AQP2: variants seen among roughly 807,000 people sequenced by gnomAD.
The protein encoded by AQP2 is aquaporin-2.
AQP2 carries 20 observed loss-of-function variants against 21.6 expected under a neutral mutation model. The ratio of observed to expected loss-of-function variants is 0.92; its 90% CI spans 0.65 to 1.34. The LOEUF (loss-of-function observed/expected upper bound fraction) is 1.34. Among genes scored for constraint, AQP2 ranks in the 40% most tolerant of loss-of-function variants. The probability of loss-of-function intolerance (pLI) is 0.00; values close to 1 mark genes in which losing one functional copy is unlikely to be tolerated. For missense variants in AQP2, 325 were observed against 363.4 expected (o/e 0.89, Z 0.86); for synonymous variants, 168 against 166.9 (o/e 1.01, Z -0.05).
Position 49,950,796 on chromosome 12 carries a change from G to A in AQP2, c.-35G>A, listed in dbSNP as rs1212100793. ...CGAGTGCCCGGAGCATCCTGGCCCT[G>A]AGACAGCTGGGCCAGCCCCGCAGGG... On this transcript the variant is annotated 5_prime_UTR_variant, in exon 1 of 4. Transcript: ENST00000199280. 2.5e-6 allele frequency: 4 copies of A among 1,595,784 alleles called. No homozygotes were observed. The African/African-American group carries it at 5.4e-5, about 21-fold the overall frequency.
intron 1 of AQP2, among the ~76,000 whole-genome samples, chr12:49,953,101 GT>G (rs1230661720): frequency 1.1e-4 from 16 of 152,200 alleles, no homozygotes; most frequent in Non-Finnish European, 1.9e-4. Context: ...GCCAAATTAA[GT>G]AGTCCCATGG....
At chr12:49,951,473 T>C (rs987137940) in intron 1 of AQP2, 3 of 511,596 alleles carry the variant, frequency 5.9e-6, no homozygotes, top group African/African-American at 1.9e-5. Flanking sequence ...AACGCCTACA[T>C]TACAGTGAAG....
rs886049554 is a variant in AQP2 at position 49,958,546 on chromosome 12, C to T, written c.*2938C>T. 1 of 152,368 alleles carries T rather than the reference C, an allele frequency of 6.6e-6. No homozygotes were observed. Among genetic ancestry groups the T allele is most frequent in the African/African-American group, 2.4e-5 (1 of 41,438 alleles). 9.4% of individuals were successfully genotyped at this position (152,368 alleles called of 1,614,324 possible). ...TGCCCTTTAAGAGCACCCGGTCAGT[C>T]AGAGAACAGAGATCACACACACCAA... On this transcript the variant is annotated 3_prime_UTR_variant, in exon 4 of 4. Transcript: ENST00000199280.
At position 49,955,953 on chromosome 12, in the gene AQP2, G is replaced by A; in HGVS notation, c.*345G>A. 3.9e-6 allele frequency: 2 copies of A among 508,376 alleles called. No homozygotes were observed. The highest frequency in any genetic ancestry group is 4.1e-5 in the South Asian group (2 of 48,662). The allele number at this position is 508,376 out of a possible 1,614,324, so 31.5% of individuals were successfully genotyped here. The stretch of plus-strand genomic sequence containing the variant: ...AGCCTGCACCCAGGTACTGAGTGGG[G>A]AGTGTACAGACCCCTGCCTTGGGGG... On this transcript the variant is annotated 3_prime_UTR_variant, in exon 4 of 4. Transcript: ENST00000199280.
chr12:49,952,406 C>A (rs1161158584), intron 1 of AQP2, among the ~76,000 whole-genome samples: 1 of 152,192 alleles, frequency 6.6e-6, no homozygotes, highest in Non-Finnish European at 1.5e-5. Flanking sequence ...CCACACCCAG[C>A]CTCTGTTCTT....
intron 3 of AQP2, 69 bp from the exon 4 acceptor site, chr12:49,955,330 C>A (rs1947358748): frequency 6.7e-7 from 1 of 1,503,512 alleles, no homozygotes; most frequent in African/African-American, 1.4e-5. Flanking sequence ...GAGTGTGCCG[C>A]CGGGGCCTGC....
chr12:49,952,942 G>A (rs1214763728), intron 1 of AQP2, among the ~76,000 whole-genome samples: 1 of 152,174 alleles, frequency 6.6e-6, no homozygotes, highest in Non-Finnish European at 1.5e-5. Flanking sequence ...ACGCTATAAG[G>A]GAAATTCTGT....
Position 49,954,664 on chromosome 12 carries a change from G to T in AQP2, c.560G>T (p.Arg187Leu). 1 of 1,614,082 alleles carries T rather than the reference G, an allele frequency of 6.2e-7. No individual in the cohort carries two copies. Among genetic ancestry groups the T allele is most frequent in the Non-Finnish European group, 8.5e-7 (1 of 1,179,996 alleles). Residue 187 changes from arginine to leucine, a missense_variant, in exon 3 of 4, where the codon CGC becomes CTC. Transcript: ENST00000199280. The stretch of plus-strand genomic sequence containing the variant: ...ACCGGCTGCTCTATGAATCCTGCCC[G>T]CTCCCTGGCTCCAGCTGTCGTCACT... ...HYTGCSMNPARSLAPAVVTGK... is the reference protein window; with the variant it reads ...HYTGCSMNPALSLAPAVVTGK...
chr12:49,952,846 C>T (rs1400614273), intron 1 of AQP2, among the ~76,000 whole-genome samples: 3 of 152,232 alleles, frequency 2.0e-5, no homozygotes, highest in Non-Finnish European at 4.4e-5. Flanking sequence ...TTTGAGGACA[C>T]TGAGAGCCAG....
At chr12:49,955,279 A>AT in intron 3 of AQP2, 120 bp from the exon 4 acceptor site, 1 of 1,043,868 alleles carries the variant, frequency 9.6e-7, no homozygotes, top group Admixed American at 2.7e-5. Context: ...ATAAATAAGC[A>AT]TTTTACTAGA....
chr12:49,955,758 T>A lies in AQP2; in HGVS notation c.*150T>A. ...GACGTGCGCGCCCAGGCCAGTGCTG[T>A]GAGCAGGCGGGGAGGAGGCTGCCGG... On this transcript the variant is annotated 3_prime_UTR_variant, in exon 4 of 4. Coordinates refer to ENST00000199280, the MANE Select transcript of AQP2 (RefSeq NM_000486.6). 9.1e-7 allele frequency: 1 copy of A among 1,102,870 alleles called. No homozygotes were observed. The highest frequency in any genetic ancestry group is 1.3e-6 in the Non-Finnish European group (1 of 754,734). 68.3% of individuals were successfully genotyped at this position (1,102,870 alleles called of 1,614,324 possible).
chr12:49,955,332 G>A (rs948906411), intron 3 of AQP2, 67 bp from the exon 4 acceptor site: 62 of 1,510,092 alleles, frequency 4.1e-5, no homozygotes, highest in Non-Finnish European at 5.4e-5. Context: ...GTGTGCCGCC[G>A]GGGCCTGCGG....
In AQP2 at chr12:49,955,712, G is replaced by A; in HGVS notation, c.*104G>A. 2 of 1,379,968 alleles carry A rather than the reference G, an allele frequency of 1.4e-6. No homozygotes were observed. The highest frequency in any genetic ancestry group is 2.0e-5 in the Admixed American group (1 of 50,312). The allele number at this position is 1,379,968 out of a possible 1,614,324, so 85.5% of individuals were successfully genotyped here. A position where few individuals can be genotyped will look rare whatever the true frequency, so the allele number is the denominator to read the frequency against. On this transcript the variant is annotated 3_prime_UTR_variant, in exon 4 of 4. Coordinates refer to ENST00000199280, the MANE Select transcript of AQP2 (RefSeq NM_000486.6). ...CCGCAGGTCTGAAGTTGGCCCCCCAGCGCAGAGTAGCTGCTTCCTGGACGT... is the reference window on the plus strand; with the variant it reads ...CCGCAGGTCTGAAGTTGGCCCCCCAACGCAGAGTAGCTGCTTCCTGGACGT...
rs886402648 is a variant in AQP2, at chr12:49,955,741, C to A, written c.*133C>A. The A allele has an allele frequency of 1.6e-5, 19 of 1,209,764 alleles. No individual in the cohort carries two copies. The highest frequency in any genetic ancestry group is 9.4e-6 in the Non-Finnish European group (8 of 853,242). The allele number at this position is 1,209,764 out of a possible 1,614,324, so 74.9% of individuals were successfully genotyped here. ...AGAGTAGCTGCTTCCTGGACGTGCGCGCCCAGGCCAGTGCTGTGAGCAGGC... is the reference window on the plus strand; with the variant it reads ...AGAGTAGCTGCTTCCTGGACGTGCGAGCCCAGGCCAGTGCTGTGAGCAGGC... On this transcript the variant is annotated 3_prime_UTR_variant, in exon 4 of 4. Coordinates refer to ENST00000199280, the MANE Select transcript of AQP2 (RefSeq NM_000486.6).
chr12:49,955,280 T>G, intron 3 of AQP2, 119 bp from the exon 4 acceptor site: 3 of 1,048,414 alleles, frequency 2.9e-6, no homozygotes, highest in Non-Finnish European at 4.1e-6. Context: ...TAAATAAGCA[T>G]TTTACTAGAT....
At chr12:49,951,282 T>C (rs1947327921) in intron 1 of AQP2, 92 bp downstream of exon 1, 4 of 1,460,576 alleles carry the variant, frequency 2.7e-6, no homozygotes, top group African/African-American at 1.4e-5. Context: ...CTGGGTGATG[T>C]AGGGAGAGAG....
chr12:49,955,191 G>A (rs1303539866), intron 3 of AQP2, among the ~76,000 whole-genome samples: 1 of 152,314 alleles, frequency 6.6e-6, no homozygotes, highest in South Asian at 2.1e-4. Context: ...ACACACACAG[G>A]CAGTGGCTTC....
rs141087111 is a variant in AQP2 at position 49,952,669 on chromosome 12, C to T, written c.360+1479C>T. On this transcript the variant is annotated intron_variant, in intron 1 of 3. Coordinates refer to ENST00000199280, the MANE Select transcript of AQP2 (RefSeq NM_000486.6). ...TCCATCATTTCACAACTGACTGGGG[C>T]CCTCAGAAGAGAAAGGTCTGGGAGG... Among the ~76,000 whole-genome samples the T allele has an allele frequency of 3.1e-3, 469 of 152,314 alleles. 2 individuals carry two copies. Among genetic ancestry groups the T allele is most frequent in the African/African-American group, 0.01 (434 of 41,556 alleles).
chr12:49,953,511 G>A (rs1427048945), intron 1 of AQP2, among the ~76,000 whole-genome samples: 2 of 152,194 alleles, frequency 1.3e-5, no homozygotes, highest in Admixed American at 1.3e-4. Flanking sequence ...CACAGCTCCA[G>A]GGCCCTTACC....
Sources: allele counts gnomAD v4.1 joint callset (sites outside exome capture counted in the v4.1 genomes callset), GRCh38; gene constraint gnomAD v4.1.1; transcripts MANE v1.5; gene names NCBI Gene and HGNC (gene_info 2026-07-23, HGNC 2026-07-21).